EPHA6: variants seen among roughly 807,000 people sequenced by gnomAD.
EPHA6 encodes the protein EPH receptor A6.
Under a neutral mutation model 112.0 loss-of-function variants are expected in EPHA6, and 50 were observed. The ratio of observed to expected loss-of-function variants is 0.45; its 90% confidence interval spans 0.36 to 0.56. The LOEUF is 0.56. Among genes scored for constraint, EPHA6 ranks in the 20% least tolerant of loss-of-function variants. The pLI is 0.00. For missense variants in EPHA6, 1,280 were observed against 1,417.4 expected (o/e 0.90, Z 1.56); for synonymous variants, 529 against 490.7 (o/e 1.08, Z -1.03).
intron 12 of EPHA6, among the ~76,000 whole-genome samples, chr3:97,603,434 C>A: frequency 6.6e-6 from 1 of 151,808 alleles, no homozygotes; most frequent in East Asian, 1.9e-4. Context: ...TTGCTCAGCT[C>A]TTTTATCACT....
chr3:97,325,685 G>A (rs563203258), intron 5 of EPHA6, among the ~76,000 whole-genome samples: 1 of 151,886 alleles, frequency 6.6e-6, no homozygotes, highest in African/African-American at 2.4e-5. Context: ...GTTTCCTTTG[G>A]CTTCTGATAA....
chr3:97,323,800 A>G (rs114763347), intron 5 of EPHA6, among the ~76,000 whole-genome samples: 2,385 of 152,078 alleles, frequency 0.016, 31 homozygotes, highest in Middle Eastern at 0.037. Context: ...GTTTGAAGGC[A>G]AAAGAGAAAT....
At chr3:97,657,342 T>C (rs1414096823) in intron 14 of EPHA6, among the ~76,000 whole-genome samples, 1 of 151,696 alleles carries the variant, frequency 6.6e-6, no homozygotes, top group Non-Finnish European at 1.5e-5. Flanking sequence ...TTTTCTTATA[T>C]AAAGTAAAAA....
chr3:96,838,589 G>A (rs912808792), intron 1 of EPHA6, among the ~76,000 whole-genome samples: 4 of 151,856 alleles, frequency 2.6e-5, no homozygotes, highest in African/African-American at 7.3e-5. Flanking sequence ...GTGGTACCCA[G>A]AATAATTATA....
intron 3 of EPHA6, among the ~76,000 whole-genome samples, chr3:97,021,371 C>T (rs1184281457): frequency 1.3e-5 from 2 of 152,172 alleles, no homozygotes; most frequent in Non-Finnish European, 2.9e-5. Flanking sequence ...ACACCTTCAT[C>T]TCCAACATTG....
intron 5 of EPHA6, among the ~76,000 whole-genome samples, chr3:97,287,690 T>C (rs2080522154): frequency 6.6e-6 from 1 of 152,220 alleles, no homozygotes; most frequent in South Asian, 2.1e-4. Flanking sequence ...TCCTTCATTC[T>C]ACTGATGTTA....
At chr3:97,509,299 G>A (rs2092321164) in intron 10 of EPHA6, among the ~76,000 whole-genome samples, 3 of 151,964 alleles carry the variant, frequency 2.0e-5, no homozygotes, top group African/African-American at 7.3e-5. Context: ...TTTACAATTT[G>A]GCATGTTTTT....
intron 3 of EPHA6, among the ~76,000 whole-genome samples, chr3:97,085,606 T>C (rs2046868458): frequency 6.6e-6 from 1 of 151,918 alleles, no homozygotes; most frequent in Admixed American, 6.6e-5. Flanking sequence ...CAGATTCACC[T>C]TTAACTTATA....
At chr3:96,938,387 A>C (rs966646527) in intron 2 of EPHA6, among the ~76,000 whole-genome samples, 1 of 150,132 alleles carries the variant, frequency 6.7e-6, no homozygotes, top group African/African-American at 2.4e-5. Flanking sequence ...ATGGGAGTTC[A>C]CTCATGATTT....
chr3:96,907,091 T>A (rs966844167), intron 2 of EPHA6, among the ~76,000 whole-genome samples: 2 of 151,876 alleles, frequency 1.3e-5, no homozygotes, highest in African/African-American at 4.8e-5. Flanking sequence ...TTATGGAACG[T>A]TATAATGAAA....
chr3:97,539,292 C>A (rs1337101380), intron 11 of EPHA6, among the ~76,000 whole-genome samples: 5 of 151,670 alleles, frequency 3.3e-5, no homozygotes, highest in Non-Finnish European at 7.4e-5. Context: ...GGACTACAGG[C>A]ACATACCACC....
At chr3:97,560,580 T>C (rs937229031) in intron 11 of EPHA6, 4 of 152,072 alleles carry the variant, frequency 2.6e-5, no homozygotes, top group Non-Finnish European at 4.4e-5. Context: ...GTGAACAGCT[T>C]TGATCTTGGT....
At chr3:96,968,667 G>A (rs2107775989) in intron 2 of EPHA6, among the ~76,000 whole-genome samples, 1 of 151,764 alleles carries the variant, frequency 6.6e-6, no homozygotes, top group Admixed American at 6.6e-5. Context: ...AACTCTGTGT[G>A]ATGCATCATA....
At chr3:97,101,003 T>C (rs183572587) in intron 3 of EPHA6, among the ~76,000 whole-genome samples, 1 of 152,164 alleles carries the variant, frequency 6.6e-6, no homozygotes, top group East Asian at 1.9e-4. Flanking sequence ...TAATGGAGTT[T>C]AGTATCTGTG....
At chr3:97,126,847 G>A (rs2048195128) in intron 3 of EPHA6, among the ~76,000 whole-genome samples, 2 of 147,276 alleles carry the variant, frequency 1.4e-5, no homozygotes, top group South Asian at 4.3e-4. Flanking sequence ...AACCACTACA[G>A]TAAGAGCATA....
chr3:97,379,493 G>A (rs2085580725), intron 5 of EPHA6, among the ~76,000 whole-genome samples: 1 of 151,926 alleles, frequency 6.6e-6, no homozygotes. Flanking sequence ...GCTCACGACT[G>A]TAATCCCAAC....
chr3:96,941,610 T>C (rs1160975834), intron 2 of EPHA6, among the ~76,000 whole-genome samples: 1 of 152,244 alleles, frequency 6.6e-6, no homozygotes, highest in African/African-American at 2.4e-5. Context: ...TCAAAGTCAT[T>C]CTCCGTCCAG....
intron 10 of EPHA6, among the ~76,000 whole-genome samples, chr3:97,484,318 A>G (rs2091644153): frequency 6.6e-6 from 1 of 152,202 alleles, no homozygotes; most frequent in Non-Finnish European, 1.5e-5. Context: ...CAATGAAACT[A>G]TAATTTTTAG....
intron 6 of EPHA6, 41 bp downstream of exon 6, chr3:97,405,315 TGC>T: frequency 6.6e-7 from 1 of 1,511,854 alleles, no homozygotes; most frequent in Non-Finnish European, 9.1e-7. Context: ...TACATATATA[TGC>T]ATATATATGT....
Sources: allele counts gnomAD v4.1 joint callset (sites outside exome capture counted in the v4.1 genomes callset), GRCh38; gene constraint gnomAD v4.1.1; transcripts MANE v1.5; gene names NCBI Gene and HGNC (gene_info 2026-07-23, HGNC 2026-07-21).